SLC25A13: variants seen among roughly 807,000 people sequenced by gnomAD.
SLC25A13 encodes solute carrier family 25 member 13, also known as electrogenic aspartate/glutamate antiporter SLC25A13, mitochondrial.
A neutral mutation model predicts 85.5 loss-of-function variants in SLC25A13; 70 were observed. The observed-to-expected ratio is 0.82, with a 90% CI of 0.68 to 1.00. The LOEUF (loss-of-function observed/expected upper bound fraction) is 1.00. SLC25A13 is among the 50% of genes least tolerant of loss of function. The probability of loss-of-function intolerance (pLI) is 0.00; values close to 1 mark genes in which losing one functional copy is unlikely to be tolerated. For synonymous variants in SLC25A13, 259 were observed against 288.7 expected, an observed-to-expected ratio of 0.90 and a Z score of 1.04; for missense variants, 765 against 819.8, an observed-to-expected ratio of 0.93 and a Z score of 0.82.
chr7:96,201,726 T>C (rs1321077956), intron 5 of SLC25A13, among the ~76,000 whole-genome samples: 3 of 152,188 alleles, frequency 2.0e-5, no homozygotes, highest in Non-Finnish European at 4.4e-5. Flanking sequence ...CGCTTATTAA[T>C]TCTAAAGCTA....
intron 3 of SLC25A13, among the ~76,000 whole-genome samples, chr7:96,254,851 G>A (rs1159803453): frequency 6.6e-6 from 1 of 152,112 alleles, no homozygotes; most frequent in African/African-American, 2.4e-5. Context: ...AAGGAAGGAA[G>A]AGTCAGGGTG....
At chr7:96,179,891 T>C (rs549419612) in intron 11 of SLC25A13, among the ~76,000 whole-genome samples, 1 of 152,340 alleles carries the variant, frequency 6.6e-6, no homozygotes, top group South Asian at 2.1e-4. Flanking sequence ...CCATGAATTA[T>C]GCAAGAATGA....
At chr7:96,283,404 T>A in intron 2 of SLC25A13, 1 of 405,646 alleles carries the variant, frequency 2.5e-6, no homozygotes. Context: ...ATATGTTCTG[T>A]AGGCCTTTTA....
chr7:96,137,967 A>G (rs1792354741), intron 14 of SLC25A13, among the ~76,000 whole-genome samples: 1 of 152,194 alleles, frequency 6.6e-6, no homozygotes, highest in Admixed American at 6.5e-5. Flanking sequence ...TTTTACTTTT[A>G]ACAAGACTAA....
intron 5 of SLC25A13, among the ~76,000 whole-genome samples, chr7:96,197,580 TA>T (rs1170335172): frequency 2.6e-5 from 4 of 152,164 alleles, no homozygotes; most frequent in Non-Finnish European, 4.4e-5. Context: ...CAGAATGACT[TA>T]AAATCAAAGC....
intron 13 of SLC25A13, among the ~76,000 whole-genome samples, chr7:96,153,042 A>G (rs1793110680): frequency 6.6e-6 from 1 of 152,230 alleles, no homozygotes. Context: ...GAAGAGAGTG[A>G]AAAGATAAAA....
intron 1 of SLC25A13, among the ~76,000 whole-genome samples, chr7:96,307,667 T>C (rs1276493851): frequency 6.6e-6 from 1 of 152,062 alleles, no homozygotes; most frequent in Non-Finnish European, 1.5e-5. Context: ...ACTGGCTAGA[T>C]AGGGAGATGA....
intron 3 of SLC25A13, among the ~76,000 whole-genome samples, chr7:96,270,708 A>T (rs1169824771): frequency 1.3e-5 from 2 of 152,192 alleles, no homozygotes; most frequent in African/African-American, 4.8e-5. Context: ...CTAAAAATAA[A>T]ATAAAATATA....
intron 3 of SLC25A13, among the ~76,000 whole-genome samples, chr7:96,275,575 G>A (rs900679178): frequency 3.3e-5 from 5 of 152,154 alleles, no homozygotes; most frequent in Non-Finnish European, 4.4e-5. Flanking sequence ...ATGAATTCAT[G>A]TCCTTTGCAG....
At chr7:96,209,930 G>A (rs1040979129) in intron 4 of SLC25A13, among the ~76,000 whole-genome samples, 2 of 151,986 alleles carry the variant, frequency 1.3e-5, no homozygotes, top group African/African-American at 4.8e-5. Context: ...TGAGCAAACT[G>A]TGCTTGATAC....
At chr7:96,180,525 G>C (rs1794381136) in intron 11 of SLC25A13, among the ~76,000 whole-genome samples, 1 of 152,140 alleles carries the variant, frequency 6.6e-6, no homozygotes, top group Admixed American at 6.5e-5. Flanking sequence ...GACAGAGTTT[G>C]GCCATGTTGG....
chr7:96,197,096 C>T (rs921754541), intron 5 of SLC25A13, among the ~76,000 whole-genome samples: 13 of 152,244 alleles, frequency 8.5e-5, no homozygotes, highest in Admixed American at 7.2e-4. Flanking sequence ...ATTTCTACTC[C>T]CCAGCCCTCT....
chr7:96,312,411 T>C (rs1799984689), intron 1 of SLC25A13, among the ~76,000 whole-genome samples: 1 of 152,202 alleles, frequency 6.6e-6, no homozygotes, highest in Non-Finnish European at 1.5e-5. Flanking sequence ...AATATTATTA[T>C]TATTATTTGC....
chr7:96,203,088 A>G (rs980111029), intron 5 of SLC25A13, among the ~76,000 whole-genome samples: 1 of 152,160 alleles, frequency 6.6e-6, no homozygotes, highest in East Asian at 1.9e-4. Context: ...GATTTACCAC[A>G]CAATAGTAGA....
intron 9 of SLC25A13, 26 bp from the exon 10 acceptor site, chr7:96,185,037 G>C (rs755812402): frequency 3.1e-6 from 5 of 1,589,886 alleles, no homozygotes; most frequent in Middle Eastern, 1.7e-4. Context: ...AGGAATCAGA[G>C]AGCAGGAAAA....
rs571127452 is a variant in SLC25A13, at chr7:96,171,471, C to A, written c.1230+1G>T. 8 of 1,612,820 alleles carry A rather than the reference C, an allele frequency of 5.0e-6. No homozygotes were observed. The highest frequency in any genetic ancestry group is 6.8e-6 in the Non-Finnish European group (8 of 1,178,862). On this transcript the variant is annotated splice_donor_variant, in intron 12 of 17. Transcript: ENST00000265631. LOFTEE classifies it high-confidence loss of function. ...AAGAAGCACCAACTCAAAAGACTTA[C>A]TGTAAGTTTTATGGCCTTCTCTGGG...
chr7:96,191,768 T>C (rs1794864945), intron 6 of SLC25A13, among the ~76,000 whole-genome samples: 1 of 152,126 alleles, frequency 6.6e-6, no homozygotes, highest in Admixed American at 6.5e-5. Context: ...AGACTTTACA[T>C]TGGTGGGATT....
At chr7:96,279,491 C>T (rs899623928) in intron 2 of SLC25A13, among the ~76,000 whole-genome samples, 3 of 152,076 alleles carry the variant, frequency 2.0e-5, no homozygotes, top group African/African-American at 4.8e-5. Context: ...CTTAACATGG[C>T]GGTAGGCAAG....
rs927032469 is a variant in SLC25A13, at chr7:96,189,386, G to A, written c.849-8C>T. The A allele has an allele frequency of 4.3e-6, 7 of 1,613,192 alleles. No homozygotes were observed. In the African/African-American group the frequency reaches 5.3e-5, roughly 12 times the overall value. ...TCTGCTAAGGTCATACGTCTGTAGGGGAAAAACAAACACAAGCAACAAATA... is the reference window on the plus strand; with the variant it reads ...TCTGCTAAGGTCATACGTCTGTAGGAGAAAAACAAACACAAGCAACAAATA... On this transcript the variant is annotated splice_region_variant and splice_polypyrimidine_tract_variant and intron_variant, in intron 8 of 17. Coordinates refer to ENST00000265631, the MANE Select transcript of SLC25A13 (RefSeq NM_014251.3).
Sources: gnomAD v4.1 joint callset for allele counts (sites outside exome capture counted in the v4.1 genomes callset) on GRCh38, gnomAD v4.1.1 for gene constraint, MANE v1.5 for transcripts, NCBI Gene and HGNC (gene_info 2026-07-23, HGNC 2026-07-21) for gene names.